The following STEAP4 variants were observed in gnomAD, a reference collection of about 807,000 sequenced individuals.
STEAP4 encodes metalloreductase STEAP4.
A neutral mutation model predicts 43.6 loss-of-function variants in STEAP4; 36 were observed. The observed-to-expected ratio is 0.83, with a 90% confidence interval of 0.63 to 1.09. STEAP4 has a LOEUF of 1.09. Among genes scored for constraint, STEAP4 ranks in the 50% least tolerant of loss-of-function variants. STEAP4 has a pLI of 0.00. For synonymous variants in STEAP4, 191 were observed against 196.7 expected, an observed-to-expected ratio of 0.97 and a Z score of 0.24; for missense variants, 495 against 546.5, an observed-to-expected ratio of 0.91 and a Z score of 0.94.
Position 88,275,636 on chromosome 7 carries a change from TTGGA to T in STEAP4, c.*3758_*3761del. On this transcript the variant is annotated 3_prime_UTR_variant, in exon 5 of 5. Transcript: ENST00000380079. ...GTGTGTGTGTGTGTGTGTGTGTGTG[TTGGA>T]GAAGTGGTAGTGAAGATGATGGTTG... 1 of 150,434 alleles carries T rather than the reference TTGGA, an allele frequency of 6.6e-6. No homozygotes were observed. The highest frequency in any genetic ancestry group is 2.5e-5 in the African/African-American group (1 of 39,980). The allele number at this position is 150,434 out of a possible 1,614,324, so 9.3% of individuals were successfully genotyped here.
rs558146073 is a variant in STEAP4, at chr7:88,278,372, T to G, written c.*1026A>C. 3 of 152,324 alleles carry G rather than the reference T, an allele frequency of 2.0e-5. No homozygotes were observed. In the South Asian group the frequency reaches 6.2e-4, roughly 32 times the overall value. 9.4% of individuals were successfully genotyped at this position (152,324 alleles called of 1,614,324 possible). On this transcript the variant is annotated 3_prime_UTR_variant, in exon 5 of 5. Coordinates refer to ENST00000380079, the MANE Select transcript of STEAP4 (RefSeq NM_024636.4). ...TCTATGCATTGTTCAAATTTATACC[T>G]GCAGACTATTCATTTAATTTTACTC...
In STEAP4 at chr7:88,294,276, C is replaced by T. The variant is rs116085482; in HGVS notation, c.-2-10005G>A. 4.4e-3 allele frequency among the ~76,000 whole-genome samples: 674 copies of T among 152,000 alleles called. 4 individuals are homozygous for T. The highest frequency in any genetic ancestry group is 0.015 in the African/African-American group (638 of 41,464). On this transcript the variant is annotated intron_variant, in intron 1 of 4. Transcript: ENST00000380079. Reference sequence around the variant, plus strand: ...CTGTTTTATGCACAAACCTATTAAACGGTTTGTATAAAATTACCTTTAGGT... The same window carrying T: ...CTGTTTTATGCACAAACCTATTAAATGGTTTGTATAAAATTACCTTTAGGT...
At chr7:88,289,061 C>CGTGTGTGTGT (rs144044107) in intron 1 of STEAP4, among the ~76,000 whole-genome samples, 1 of 148,328 alleles carries the variant, frequency 6.7e-6, no homozygotes, top group Non-Finnish European at 1.5e-5. Flanking sequence ...CATGCATGCG[C>CGTGTGTGTGT]GTGTGTGTGT....
At chr7:88,300,217 T>A in intron 1 of STEAP4, among the ~76,000 whole-genome samples, 1 of 152,218 alleles carries the variant, frequency 6.6e-6, no homozygotes, top group East Asian at 1.9e-4. Context: ...TTTATTTTAT[T>A]TTAGTTTTTG....
At chr7:88,294,673 A>G (rs1046052856) in intron 1 of STEAP4, among the ~76,000 whole-genome samples, 1 of 151,954 alleles carries the variant, frequency 6.6e-6, no homozygotes, top group Non-Finnish European at 1.5e-5. Context: ...ACCTAACCAT[A>G]TCTCTTCTAA....
chr7:88,284,424 G>A (rs80058099), intron 1 of STEAP4, among the ~76,000 whole-genome samples, 153 bp from the exon 2 acceptor site: 2,629 of 152,170 alleles, frequency 0.017, 31 homozygotes, highest in Non-Finnish European at 0.024. Context: ...AGTAAAAATT[G>A]TCATATATAT....
Position 88,284,110 on chromosome 7 carries a change from T to C in STEAP4, c.160A>G (p.Lys54Glu). Residue 54 changes from lysine to glutamate, a missense_variant, in exon 2 of 5, where the codon AAG becomes GAG. Physicochemically the swap from Lys to Glu is moderately conservative, Grantham distance 56. Coordinates refer to ENST00000380079, the MANE Select transcript of STEAP4 (RefSeq NM_024636.4). ...GCACCACTGGGCAGTAGGGTGGTCTTCTGGGGGTTTCGACTTCCAAAAACA... is the reference window on the plus strand; with the variant it reads ...GCACCACTGGGCAGTAGGGTGGTCTCCTGGGGGTTTCGACTTCCAAAAACA... ...SVVFGSRNPQ[K>E]TTLLPSGAEV... 1 of 1,614,170 alleles carries C rather than the reference T, an allele frequency of 6.2e-7. No individual in the cohort carries two copies. Among genetic ancestry groups the C allele is most frequent in the African/African-American group, 1.3e-5 (1 of 75,040 alleles).
At position 88,282,923 on chromosome 7, in the gene STEAP4, A is replaced by G. The variant is rs2115958261; in HGVS notation, c.702T>C (p.Asn234=). ...GAATGGAAATAGCCATACGAAATGTATTATCTTTCTTTTCATAAACATAAG... is the reference window on the plus strand; with the variant it reads ...GAATGGAAATAGCCATACGAAATGTGTTATCTTTCTTTTCATAAACATAAG... ...IYPYVYEKKD[N]TFRMAISIPN... Residue 234 remains asparagine (N), a synonymous_variant, in exon 3 of 5, where the codon AAT becomes AAC. Coordinates refer to ENST00000380079, the MANE Select transcript of STEAP4 (RefSeq NM_024636.4). The G allele has an allele frequency of 6.2e-7, 1 of 1,614,204 alleles. No individual in the cohort carries two copies. The highest frequency in any genetic ancestry group is 2.2e-5 in the East Asian group (1 of 44,880).
At chr7:88,305,814 A>C (rs893094059) in intron 1 of STEAP4, among the ~76,000 whole-genome samples, 11 of 152,206 alleles carry the variant, frequency 7.2e-5, no homozygotes, top group African/African-American at 1.9e-4. Flanking sequence ...CATCTGGCCC[A>C]GTAGCCAGCC....
chr7:88,300,714 G>A (rs967642432), intron 1 of STEAP4, among the ~76,000 whole-genome samples: 2 of 152,060 alleles, frequency 1.3e-5, no homozygotes, highest in Admixed American at 6.6e-5. Context: ...CATACCACTG[G>A]TTCTTCCCCT....
Position 88,276,382 on chromosome 7 carries a change from T to C in STEAP4, c.*3016A>G, listed in dbSNP as rs1022632352. 6.6e-6 allele frequency: 1 copy of C among 152,200 alleles called. No individual in the cohort carries two copies. Among genetic ancestry groups the C allele is most frequent in the African/African-American group, 2.4e-5 (1 of 41,448 alleles). 9.4% of individuals were successfully genotyped at this position (152,200 alleles called of 1,614,324 possible). A position where few individuals can be genotyped will look rare whatever the true frequency, so the allele number is the denominator to read the frequency against. ...GATTCAAAACCTTTTAGTAACTTTATTTGGAATGCTGATGAGTTAAAACCA... is the reference window on the plus strand; with the variant it reads ...GATTCAAAACCTTTTAGTAACTTTACTTGGAATGCTGATGAGTTAAAACCA... On this transcript the variant is annotated 3_prime_UTR_variant, in exon 5 of 5. Transcript: ENST00000380079.
In STEAP4 at chr7:88,283,968, A is replaced by G. The variant is rs1237437927; in HGVS notation, c.302T>C (p.Leu101Ser). 3 of 1,614,014 alleles carry G rather than the reference A, an allele frequency of 1.9e-6. No homozygotes were observed. Among genetic ancestry groups the G allele is most frequent in the South Asian group, 2.2e-5 (2 of 91,074 alleles). The change falls in exon 2 of 5, where the codon TTG becomes TCG. Residue 101 changes from leucine to serine, a missense_variant. By Grantham distance (145) the Leu-to-Ser change is moderately radical. Coordinates refer to ENST00000380079, the MANE Select transcript of STEAP4 (RefSeq NM_024636.4). ...TTTGAGGTTGTTGCTGATGTCTACC[A>G]ATATTTTTCCATTGAGAACCTCAGT... ...ELTEVLNGKI[L>S]VDISNNLKIN...
chr7:88,296,660 ATTTGT>A (rs1227654506), intron 1 of STEAP4, among the ~76,000 whole-genome samples: 3 of 152,164 alleles, frequency 2.0e-5, no homozygotes, highest in Non-Finnish European at 2.9e-5. Flanking sequence ...GATTCACAGC[ATTTGT>A]TTTAATATAT....
intron 1 of STEAP4, among the ~76,000 whole-genome samples, chr7:88,306,255 A>T (rs1055249084): frequency 2.6e-5 from 4 of 152,232 alleles, no homozygotes; most frequent in African/African-American, 9.6e-5. Flanking sequence ...CTGGACAAAC[A>T]AACGGAACTG....
rs532534054 is a variant in STEAP4 at position 88,273,340 on chromosome 7, C to T, written c.*6058G>A. 6.6e-6 allele frequency: 1 copy of T among 152,110 alleles called. No individual in the cohort carries two copies. Among genetic ancestry groups the T allele is most frequent in the Non-Finnish European group, 1.5e-5 (1 of 68,004 alleles). 9.4% of individuals were successfully genotyped at this position (152,110 alleles called of 1,614,324 possible). On this transcript the variant is annotated 3_prime_UTR_variant, in exon 5 of 5. Transcript: ENST00000380079. ...GGCTCCTTCAAAATCTGTTGACTTT[C>T]TAAAAATCATAAGGCCAAGTTTAAT...
At chr7:88,285,637 G>A (rs1852717954) in intron 1 of STEAP4, among the ~76,000 whole-genome samples, 1 of 151,392 alleles carries the variant, frequency 6.6e-6, no homozygotes, top group Non-Finnish European at 1.5e-5. Context: ...CCAACATAGT[G>A]AAATCCCATC....
chr7:88,300,923 G>T (rs1024166978), intron 1 of STEAP4, among the ~76,000 whole-genome samples: 3 of 152,064 alleles, frequency 2.0e-5, no homozygotes, highest in Non-Finnish European at 2.9e-5. Context: ...CCCCAACAAA[G>T]GTTCCAGACC....
intron 1 of STEAP4, among the ~76,000 whole-genome samples, chr7:88,299,190 G>A (rs184510508): frequency 3.9e-5 from 6 of 152,108 alleles, no homozygotes; most frequent in Admixed American, 3.9e-4. Flanking sequence ...GTTCTTTGTC[G>A]AAATTCTAGT....
chr7:88,293,719 A>G (rs1330463525), intron 1 of STEAP4, among the ~76,000 whole-genome samples: 1 of 152,138 alleles, frequency 6.6e-6, no homozygotes, highest in Non-Finnish European at 1.5e-5. Context: ...AATTGCTTTC[A>G]CATTTTTGTC....
Sources: gnomAD v4.1 joint callset for allele counts (sites outside exome capture counted in the v4.1 genomes callset) on GRCh38, gnomAD v4.1.1 for gene constraint, MANE v1.5 for transcripts, NCBI Gene and HGNC (gene_info 2026-07-23, HGNC 2026-07-21) for gene names.